NELL2: variants seen among roughly 807,000 people sequenced by gnomAD.
The protein encoded by NELL2 is neural EGFL like 2.
NELL2 carries 41 observed loss-of-function variants against 109.6 expected under a neutral mutation model. That is an observed-to-expected ratio of 0.37 (90% CI 0.29 to 0.49). NELL2 has a LOEUF of 0.49. NELL2 is among the 20% of genes least tolerant of loss of function. NELL2 has a pLI of 0.98. For missense variants in NELL2, 900 were observed against 1,008.3 expected (o/e 0.89, Z 1.45); for synonymous variants, 355 against 344.7 (o/e 1.03, Z -0.33).
intron 12 of NELL2, among the ~76,000 whole-genome samples, chr12:44,692,447 G>A (rs1948931782): frequency 6.6e-6 from 1 of 152,134 alleles, no homozygotes; most frequent in African/African-American, 2.4e-5. Context: ...TTTCATGGCT[G>A]CTAACACTAC....
chr12:44,585,675 A>T (rs1170440574), intron 15 of NELL2, among the ~76,000 whole-genome samples: 1 of 152,034 alleles, frequency 6.6e-6, no homozygotes. Flanking sequence ...CAATTTTATT[A>T]TTTCATTTGC....
intron 15 of NELL2, among the ~76,000 whole-genome samples, chr12:44,538,721 G>C (rs1380750040): frequency 6.6e-6 from 1 of 152,058 alleles, no homozygotes; most frequent in Non-Finnish European, 1.5e-5. Context: ...GTGGAGACAA[G>C]GATAAAGAAG....
intron 1 of NELL2, among the ~76,000 whole-genome samples, chr12:44,888,530 T>C (rs1239082542): frequency 6.6e-6 from 1 of 151,726 alleles, no homozygotes; most frequent in Non-Finnish European, 1.5e-5. Flanking sequence ...GATTAGAGAC[T>C]ATAATGAATA....
chr12:44,757,432 A>T (rs997537234), intron 9 of NELL2, among the ~76,000 whole-genome samples: 1 of 152,064 alleles, frequency 6.6e-6, no homozygotes, highest in Non-Finnish European at 1.5e-5. Context: ...GTCTTTTAAC[A>T]CCACAACAGC....
chr12:44,703,601 C>T lies in NELL2; in HGVS notation c.1318+125G>A, dbSNP rs536694589. Reference sequence around the variant, plus strand: ...TAATTATTTTTAGCTGATTAATATGCTTCAAATTAAATTCACTGCTTTTAA... The same window carrying T: ...TAATTATTTTTAGCTGATTAATATGTTTCAAATTAAATTCACTGCTTTTAA... On this transcript the variant is annotated intron_variant, in intron 12 of 19. Coordinates refer to ENST00000429094, the MANE Select transcript of NELL2 (RefSeq NM_001145108.2). 8.1e-6 allele frequency: 8 copies of T among 984,226 alleles called. No individual in the cohort carries two copies. The African/African-American group carries it at 8.3e-5, about 10-fold the overall frequency. The allele number at this position is 984,226 out of a possible 1,614,324, so 61.0% of individuals were successfully genotyped here. A position where few individuals can be genotyped will look rare whatever the true frequency, so the allele number is the denominator to read the frequency against.
intron 9 of NELL2, among the ~76,000 whole-genome samples, chr12:44,743,367 T>A (rs1323759174): frequency 6.6e-6 from 1 of 152,080 alleles, no homozygotes; most frequent in Non-Finnish European, 1.5e-5. Flanking sequence ...GTAAAGACCA[T>A]CGAGGCTAGG....
intron 9 of NELL2, among the ~76,000 whole-genome samples, chr12:44,741,292 C>G (rs115735265): frequency 6.6e-6 from 1 of 152,064 alleles, no homozygotes; most frequent in Non-Finnish European, 1.5e-5. Context: ...TAACTTTAAG[C>G]TGTATCATAA....
intron 3 of NELL2, among the ~76,000 whole-genome samples, chr12:44,797,795 T>G (rs748269880): frequency 4.7e-5 from 7 of 148,460 alleles, no homozygotes; most frequent in Non-Finnish European, 9.0e-5. Flanking sequence ...ATCCAATTCT[T>G]TGACAAATTT....
At chr12:44,716,211 CAAAT>C (rs1002283270) in intron 9 of NELL2, among the ~76,000 whole-genome samples, 17 of 152,220 alleles carry the variant, frequency 1.1e-4, no homozygotes, top group East Asian at 7.7e-4. Flanking sequence ...TAAATAATGT[CAAAT>C]AAATAAATTA....
At chr12:44,876,983 GC>G, upstream of NELL2, 1 of 901,002 alleles carries the variant, frequency 1.1e-6, no homozygotes, top group Non-Finnish European at 1.4e-6. Context: ...AGAGAACTTG[GC>G]CAGGAGGTGC....
chr12:44,913,377 T>C (rs1168377339), intron 1 of NELL2, among the ~76,000 whole-genome samples: 1 of 152,198 alleles, frequency 6.6e-6, no homozygotes, highest in Non-Finnish European at 1.5e-5. Context: ...AGTTGATTTC[T>C]AGTTTTTTCT....
At chr12:44,567,101 C>T (rs565764162) in intron 15 of NELL2, among the ~76,000 whole-genome samples, 33 of 152,268 alleles carry the variant, frequency 2.2e-4, no homozygotes, top group Middle Eastern at 3.4e-3. Flanking sequence ...TGAGCCACTG[C>T]GTCTGGCCTA....
intron 3 of NELL2, among the ~76,000 whole-genome samples, chr12:44,796,911 T>C (rs1942643156): frequency 6.6e-6 from 1 of 152,004 alleles, no homozygotes; most frequent in Admixed American, 6.6e-5. Flanking sequence ...TTACAGGTAA[T>C]TTATTATTCT....
chr12:44,860,328 C>A (rs182034997), intron 2 of NELL2, among the ~76,000 whole-genome samples: 1 of 152,262 alleles, frequency 6.6e-6, no homozygotes, highest in East Asian at 1.9e-4. Flanking sequence ...AAATAAATAA[C>A]TGCTAATGTT....
At chr12:44,537,795 C>T (rs1027984511) in intron 15 of NELL2, among the ~76,000 whole-genome samples, 2 of 152,052 alleles carry the variant, frequency 1.3e-5, no homozygotes, top group Non-Finnish European at 2.9e-5. Flanking sequence ...GCTGAGAATG[C>T]AAACGCATTA....
intron 3 of NELL2, among the ~76,000 whole-genome samples, chr12:44,806,041 A>G (rs1380978573): frequency 1.3e-5 from 2 of 151,812 alleles, no homozygotes; most frequent in Non-Finnish European, 2.9e-5. Flanking sequence ...TCACTATGTC[A>G]TTAACATAAT....
chr12:44,676,506 TTCA>T (rs1463988190), intron 12 of NELL2, among the ~76,000 whole-genome samples: 1 of 152,178 alleles, frequency 6.6e-6, no homozygotes, highest in Admixed American at 6.5e-5. Flanking sequence ...AAAAACTGTA[TTCA>T]TCTGAATGTA....
intron 2 of NELL2, among the ~76,000 whole-genome samples, chr12:44,850,035 T>C (rs1944487628): frequency 6.6e-6 from 1 of 152,164 alleles, no homozygotes; most frequent in Non-Finnish European, 1.5e-5. Flanking sequence ...GGTAATATGC[T>C]AAATCTTGTT....
intron 19 of NELL2, among the ~76,000 whole-genome samples, chr12:44,512,463 A>G (rs952171652): frequency 6.6e-6 from 1 of 151,598 alleles, no homozygotes; most frequent in Non-Finnish European, 1.5e-5. Context: ...TGATCCAGCA[A>G]TCTCACTACT....
Sources: gnomAD v4.1 joint callset for allele counts (sites outside exome capture counted in the v4.1 genomes callset) on GRCh38, gnomAD v4.1.1 for gene constraint, MANE v1.5 for transcripts, NCBI Gene and HGNC (gene_info 2026-07-23, HGNC 2026-07-21) for gene names.